GALNT9: variants seen among roughly 807,000 people sequenced by gnomAD.
GALNT9 encodes polypeptide N-acetylgalactosaminyltransferase 9.
In GALNT9, 47 loss-of-function variants were observed where a neutral mutation model predicts 63.1. That is an observed-to-expected ratio of 0.75 (90% CI 0.59 to 0.95). The LOEUF (loss-of-function observed/expected upper bound fraction) is 0.95. Ranked by LOEUF, GALNT9 falls within the 40% of genes least tolerant of loss-of-function variation. The probability of loss-of-function intolerance (pLI) is 0.00; values close to 1 mark genes in which losing one functional copy is unlikely to be tolerated. For synonymous variants in GALNT9, 396 were observed against 365.7 expected (o/e 1.08, Z -0.94); for missense variants, 829 against 874.8 (o/e 0.95, Z 0.66).
intron 5 of GALNT9, among the ~76,000 whole-genome samples, chr12:132,257,119 C>A (rs536033088): frequency 3.9e-5 from 6 of 152,206 alleles, no homozygotes; most frequent in Non-Finnish European, 8.8e-5. Context: ...CAGAGCCTGC[C>A]AAAAACTGTG....
At chr12:132,323,140 T>A (rs1868879496) in intron 1 of GALNT9, among the ~76,000 whole-genome samples, 1 of 152,266 alleles carries the variant, frequency 6.6e-6, no homozygotes, top group African/African-American at 2.4e-5. Flanking sequence ...GTGGGAGATC[T>A]GACATGGAAA....
intron 6 of GALNT9, among the ~76,000 whole-genome samples, chr12:132,243,341 G>C (rs1878533570): frequency 2.4e-5 from 3 of 127,566 alleles, no homozygotes; most frequent in South Asian, 2.8e-4. Context: ...TTCCCGGGGG[G>C]CCATCAGGGC....
intron 1 of GALNT9, among the ~76,000 whole-genome samples, chr12:132,290,658 G>A (rs374711372): frequency 0.22 from 15,703 of 72,028 alleles, 1,471 homozygotes; most frequent in Middle Eastern, 0.28. Flanking sequence ...CATCCACAGC[G>A]CCCACGTCCA....
intron 1 of GALNT9, among the ~76,000 whole-genome samples, chr12:132,305,142 CGGGCACACCCTCGCCT>C (rs1881536843): frequency 1.5e-5 from 1 of 64,540 alleles, no homozygotes; most frequent in Non-Finnish European, 2.7e-5. Context: ...CAGCCTCGCC[CGGGCACACCCTCGCCT>C]GGGCACAGCC....
intron 2 of GALNT9, among the ~76,000 whole-genome samples, chr12:132,277,075 C>T (rs573743709): frequency 1.3e-5 from 2 of 152,294 alleles, no homozygotes; most frequent in African/African-American, 4.8e-5. Flanking sequence ...TGTGTGTTTC[C>T]GATGACCAGC....
Position 132,282,416 on chromosome 12 carries a change from T to G in GALNT9, c.419+3834A>C, listed in dbSNP as rs567358621. Among the ~76,000 whole-genome samples, 4 of 151,186 alleles carry G rather than the reference T, an allele frequency of 2.6e-5. No individual in the cohort carries two copies. The highest frequency in any genetic ancestry group is 5.9e-5 in the Non-Finnish European group (4 of 67,978). ...ATACGTGTGTGCGCGTGTGTGCGTG[T>G]GTGTGCGTGTGTGCGTGCATGCGTG... On this transcript the variant is annotated intron_variant, in intron 2 of 10. Transcript: ENST00000328957. This position sits in a 1 kb window ranked among gnomAD's most constrained non-coding sequence, Gnocchi z 4.5.
intron 6 of GALNT9, 74 bp downstream of exon 6, chr12:132,247,836 G>T: frequency 6.5e-7 from 1 of 1,540,374 alleles, no homozygotes; most frequent in South Asian, 1.2e-5. Context: ...GGCCTCACTC[G>T]CCCTCATCCT....
Position 132,318,664 on chromosome 12 carries a change from T to C in GALNT9, c.238+10302A>G, listed in dbSNP as rs548371939. ...TGTGCACCCCGACTGACCTCCCAGC[T>C]GGGCCTGCAGCCCCGTGTGTGGCCA... On this transcript the variant is annotated intron_variant, in intron 1 of 10. Transcript: ENST00000328957. 3.4e-4 allele frequency among the ~76,000 whole-genome samples: 52 copies of C among 152,348 alleles called. No individual in the cohort carries two copies. The South Asian group carries it at 0.01, about 30-fold the overall frequency.
intron 5 of GALNT9, among the ~76,000 whole-genome samples, chr12:132,249,213 C>G (rs1327167153): frequency 6.6e-6 from 1 of 152,216 alleles, no homozygotes. Flanking sequence ...TCTTCTGAGG[C>G]CTCAGGAGCT....
At chr12:132,208,982 G>T (rs192419002) in intron 6 of GALNT9, among the ~76,000 whole-genome samples, 1 of 152,310 alleles carries the variant, frequency 6.6e-6, no homozygotes, top group Non-Finnish European at 1.5e-5. Context: ...TAGCACCTCT[G>T]GTAACTCTCA....
chr12:132,250,970 C>T (rs1031016556), intron 5 of GALNT9, among the ~76,000 whole-genome samples: 3 of 152,154 alleles, frequency 2.0e-5, no homozygotes, highest in Non-Finnish European at 4.4e-5. Flanking sequence ...GGGATAGGTA[C>T]GTAAACAGCA....
intron 6 of GALNT9, among the ~76,000 whole-genome samples, chr12:132,221,836 T>C (rs529591289): frequency 1.3e-5 from 2 of 152,122 alleles, no homozygotes; most frequent in African/African-American, 4.8e-5. Context: ...ATCGGGTAAA[T>C]GCAACCCGCA....
At chr12:132,251,899 G>A (rs1457872233) in intron 5 of GALNT9, among the ~76,000 whole-genome samples, 7 of 152,204 alleles carry the variant, frequency 4.6e-5, no homozygotes, top group African/African-American at 9.6e-5. Context: ...GGTGTCCTCC[G>A]AAGTCACACT....
chr12:132,325,065 G>A (rs979179113), intron 1 of GALNT9, among the ~76,000 whole-genome samples: 2 of 151,932 alleles, frequency 1.3e-5, no homozygotes, highest in African/African-American at 4.8e-5. Flanking sequence ...CCCCACTTCA[G>A]ACCTTGCTCT....
chr12:132,328,239 C>T (rs969377555), intron 1 of GALNT9, among the ~76,000 whole-genome samples: 5 of 152,122 alleles, frequency 3.3e-5, no homozygotes, highest in Admixed American at 6.5e-5. Context: ...GACCTACGTC[C>T]GCTCGTGATG....
intron 1 of GALNT9, among the ~76,000 whole-genome samples, chr12:132,297,959 A>G (rs1200816948): frequency 1.3e-5 from 2 of 151,680 alleles, no homozygotes; most frequent in African/African-American, 4.9e-5. Flanking sequence ...ACTCACTCTC[A>G]TAATAACCAA....
At chr12:132,240,646 C>A (rs1036624607) in intron 6 of GALNT9, 2 of 448,134 alleles carry the variant, frequency 4.5e-6, no homozygotes, top group Non-Finnish European at 8.9e-6. Context: ...CTCGGACCTG[C>A]TCCTCTTCAC....
intron 1 of GALNT9, among the ~76,000 whole-genome samples, chr12:132,324,011 C>G (rs1555246315): frequency 6.6e-6 from 1 of 152,144 alleles, no homozygotes; most frequent in Non-Finnish European, 1.5e-5. Flanking sequence ...AGGGTAGAGA[C>G]GATGAACTCA....
At chr12:132,239,367 GAC>G (rs1878135204) in intron 6 of GALNT9, among the ~76,000 whole-genome samples, 1 of 150,254 alleles carries the variant, frequency 6.7e-6, no homozygotes, top group African/African-American at 2.5e-5. Context: ...CAGAGAGAGA[GAC>G]ACACAGAGAC....
Sources: allele counts gnomAD v4.1 joint callset (sites outside exome capture counted in the v4.1 genomes callset), GRCh38; gene constraint gnomAD v4.1.1; non-coding constraint Gnocchi (gnomAD v3.1); transcripts MANE v1.5; gene names NCBI Gene and HGNC (gene_info 2026-07-23, HGNC 2026-07-21).